The following FAS variants were observed in gnomAD, a reference collection of about 807,000 sequenced individuals.
FAS encodes the protein Fas cell surface death receptor.
In FAS, 5 loss-of-function variants were observed where a neutral mutation model predicts 33.2. The ratio of observed to expected loss-of-function variants is 0.15; its 90% confidence interval spans 0.08 to 0.32. The LOEUF (loss-of-function observed/expected upper bound fraction) is 0.32. Ranked by LOEUF, FAS falls within the 10% of genes least tolerant of loss-of-function variation. The probability of loss-of-function intolerance (pLI) is 1.00; values close to 1 mark genes in which losing one functional copy is unlikely to be tolerated. For missense variants in FAS, 339 were observed against 386.0 expected, an observed-to-expected ratio of 0.88 and a Z score of 1.02; for synonymous variants, 131 against 130.7, an observed-to-expected ratio of 1.00 and a Z score of -0.01.
intron 2 of FAS, among the ~76,000 whole-genome samples, chr10:88,979,974 G>C (rs998711337): frequency 6.6e-6 from 1 of 152,218 alleles, no homozygotes; most frequent in African/African-American, 2.4e-5. Flanking sequence ...TATGGAGCTT[G>C]ACAGATGCAG....
chr10:88,978,253 G>T (rs1387740700), intron 2 of FAS, among the ~76,000 whole-genome samples: 19 of 117,778 alleles, frequency 1.6e-4, no homozygotes, highest in East Asian at 2.9e-4. Flanking sequence ...CTGTTGTGGG[G>T]TGGGGGGAGG....
Position 89,007,589 on chromosome 10 carries a change from C to G in FAS, c.197-111C>G, listed in dbSNP as rs866293768. ...TATTTATATCTCATTAGCCTACCCC[C>G]CCTCCCCTTGTGTTTTAGAAGAGTT... On this transcript the variant is annotated intron_variant, in intron 2 of 8. Transcript: ENST00000652046. The G allele has an allele frequency of 1.4e-5, 19 of 1,398,814 alleles. No individual in the cohort carries two copies. The Admixed American group carries it at 2.2e-4, about 16-fold the overall frequency. The allele number at this position is 1,398,814 out of a possible 1,614,324, so 86.7% of individuals were successfully genotyped here. A position where few individuals can be genotyped will look rare whatever the true frequency, so the allele number is the denominator to read the frequency against.
chr10:89,012,050 A>C lies in FAS; in HGVS notation c.620A>C (p.Gln207Pro). Residue 207 changes from glutamine (Q) to proline (P), a missense_variant, in exon 7 of 9, where the codon CAA becomes CCA. Gln to Pro is a moderately conservative substitution (Grantham distance 76, BLOSUM62 -1). Transcript: ENST00000652046. The part of the protein sequence containing the change: ...KTCRKHRKEN[Q>P]GSHESPTLNP... ...TGCAGAAAGCACAGAAAGGAAAACC[A>C]AGGTTCTCATGAATCTCCAACTTTA... is the stretch of plus-strand genomic sequence containing the variant. 6.2e-7 allele frequency: 1 copy of C among 1,613,944 alleles called. No homozygotes were observed. The highest frequency in any genetic ancestry group is 1.1e-5 in the South Asian group (1 of 91,088).
upstream of FAS, chr10:88,990,515 C>A (rs1302272656): frequency 1.7e-6 from 1 of 596,576 alleles, no homozygotes; most frequent in African/African-American, 1.8e-5. This position sits in a 1 kb window ranked among gnomAD's most constrained non-coding sequence, Gnocchi z 4.9. Context: ...CTTCCTCACC[C>A]TGACTTCTCC....
intron 8 of FAS, 117 bp downstream of exon 8, chr10:89,013,484 C>A: frequency 1.0e-6 from 1 of 998,746 alleles, no homozygotes; most frequent in Non-Finnish European, 1.6e-6. Context: ...TGTTATTTCT[C>A]ATACAATTCT....
In FAS at chr10:89,016,932, A is replaced by C. The variant is rs534731411; in HGVS notation, c.*2482A>C. On this transcript the variant is annotated 3_prime_UTR_variant, in exon 9 of 9. Transcript: ENST00000652046. Reference sequence around the variant, plus strand: ...TACAACTATCTGAATAAGGTATATAATCAATGAAATTTAGAATTTTTTTCT... The same window carrying C: ...TACAACTATCTGAATAAGGTATATACTCAATGAAATTTAGAATTTTTTTCT... 5.3e-6 allele frequency: 1 copy of C among 188,756 alleles called. No homozygotes were observed. Among genetic ancestry groups the C allele is most frequent in the African/African-American group, 2.3e-5 (1 of 42,984 alleles). The allele number at this position is 188,756 out of a possible 1,614,324, so 11.7% of individuals were successfully genotyped here. A position where few individuals can be genotyped will look rare whatever the true frequency, so the allele number is the denominator to read the frequency against.
upstream of FAS, chr10:88,989,438 T>C (rs1299252333): frequency 1.9e-6 from 1 of 537,282 alleles, no homozygotes; most frequent in Non-Finnish European, 3.7e-6. Flanking sequence ...TATACCATCC[T>C]CCTTATCCCA....
intron 2 of FAS, among the ~76,000 whole-genome samples, chr10:88,980,297 C>T (rs1471635754): frequency 6.6e-6 from 1 of 151,958 alleles, no homozygotes; most frequent in Non-Finnish European, 1.5e-5. Context: ...TGATGGTTGA[C>T]ACTTCAGGCC....
chr10:88,965,251 G>A (rs1339395404), intron 1 of FAS, among the ~76,000 whole-genome samples: 1 of 151,748 alleles, frequency 6.6e-6, no homozygotes, highest in Non-Finnish European at 1.5e-5. Flanking sequence ...GGCAGCCAGT[G>A]TGTTCATTTT....
chr10:88,999,533 C>A (rs917941780), intron 1 of FAS, among the ~76,000 whole-genome samples: 1 of 152,038 alleles, frequency 6.6e-6, no homozygotes, highest in Non-Finnish European at 1.5e-5. Flanking sequence ...AAATAATATT[C>A]GTAATATTTT....
intron 1 of FAS, among the ~76,000 whole-genome samples, chr10:88,997,096 C>T (rs781636063): frequency 6.6e-6 from 1 of 152,190 alleles, no homozygotes; most frequent in African/African-American, 2.4e-5. Flanking sequence ...CTATAAAACT[C>T]TTATATTCTC....
Position 88,976,489 on chromosome 10 carries a change from T to A in FAS, n.260+3142T>A, listed in dbSNP as rs188008536. Among the ~76,000 whole-genome samples the A allele has an allele frequency of 4.4e-4, 67 of 152,348 alleles. No homozygotes were observed. The East Asian group carries it at 9.1e-3, about 21-fold the overall frequency. ...GGAGAAAATTAGTACATTAATTACA[T>A]TTGAATAGTCCTTCCATTGTACTGA... On this transcript the variant is annotated intron_variant and non_coding_transcript_variant, in intron 2 of 3. Transcript: ENST00000688239.
At chr10:88,988,194 G>A (rs1293673421), upstream of FAS, among the ~76,000 whole-genome samples, 1 of 152,164 alleles carries the variant, frequency 6.6e-6, no homozygotes, top group East Asian at 1.9e-4. Flanking sequence ...GTTAAGAAGA[G>A]GGGAGAGGGA....
intron 1 of FAS, among the ~76,000 whole-genome samples, chr10:88,994,205 A>G (rs572385762): frequency 2.6e-5 from 4 of 152,318 alleles, no homozygotes; most frequent in Non-Finnish European, 4.4e-5. Flanking sequence ...AGGCTACTAC[A>G]TTGCTTTAGG....
At chr10:89,012,154 C>T (rs1848566550) in intron 7 of FAS, 73 bp downstream of exon 7, 3 of 1,238,358 alleles carry the variant, frequency 2.4e-6, no homozygotes, top group Non-Finnish European at 3.5e-6. Flanking sequence ...CTTTTTGTTA[C>T]TTCCTTTTAC....
chr10:88,990,159 ATGGCGCAACATCTGTACTTTTTCAT>A (rs1847077204), upstream of FAS, among the ~76,000 whole-genome samples: 2 of 152,280 alleles, frequency 1.3e-5, no homozygotes, highest in African/African-American at 4.8e-5. This position sits in a 1 kb window ranked among gnomAD's most constrained non-coding sequence, Gnocchi z 4.9. Flanking sequence ...TCAGAGCCCT[ATGGCGCAACATCTGTACTTTTTCAT>A]ATGGTTAACT....
At chr10:88,983,723 A>T (rs1846784794), upstream of FAS, among the ~76,000 whole-genome samples, 1 of 151,150 alleles carries the variant, frequency 6.6e-6, no homozygotes, top group Non-Finnish European at 1.5e-5. Flanking sequence ...TTTATTTTTA[A>T]ATGTCTGTCC....
At chr10:89,009,442 T>C (rs1263343430) in intron 4 of FAS, among the ~76,000 whole-genome samples, 1 of 152,164 alleles carries the variant, frequency 6.6e-6, no homozygotes, top group African/African-American at 2.4e-5. Context: ...CAGGTGCACA[T>C]GGATGGAATG....
intron 2 of FAS, 72 bp downstream of exon 2, chr10:89,003,266 A>G (rs931664586): frequency 1.5e-5 from 24 of 1,559,192 alleles, no homozygotes; most frequent in Non-Finnish European, 1.9e-5. Flanking sequence ...AATCATGACT[A>G]TAATAATTTT....
Sources: allele counts gnomAD v4.1 joint callset (sites outside exome capture counted in the v4.1 genomes callset), GRCh38; gene constraint gnomAD v4.1.1; non-coding constraint Gnocchi (gnomAD v3.1); transcripts MANE v1.5; gene names NCBI Gene and HGNC (gene_info 2026-07-23, HGNC 2026-07-21).